The following RPTOR variants were observed in gnomAD, a reference collection of about 807,000 sequenced individuals.
The protein encoded by RPTOR is regulatory associated protein of MTOR complex 1.
RPTOR carries 21 observed loss-of-function variants against 169.9 expected under a neutral mutation model. The ratio of observed to expected loss-of-function variants is 0.12; its 90% CI spans 0.09 to 0.18. The LOEUF (loss-of-function observed/expected upper bound fraction) is 0.18. Ranked by LOEUF, RPTOR falls within the 10% of genes least tolerant of loss-of-function variation. RPTOR has a pLI of 1.00. For synonymous variants in RPTOR, 732 were observed against 753.2 expected, an observed-to-expected ratio of 0.97 and a Z score of 0.46; for missense variants, 1,133 against 1,855.9, an observed-to-expected ratio of 0.61 and a Z score of 7.16.
intron 2 of RPTOR, among the ~76,000 whole-genome samples, chr17:80,638,414 T>C (rs2065525781): frequency 6.8e-6 from 1 of 146,624 alleles, no homozygotes; most frequent in South Asian, 2.2e-4. Context: ...TTCCTTTCTT[T>C]TTTTTTTTTT....
At chr17:80,649,652 G>A (rs1026954954) in intron 3 of RPTOR, among the ~76,000 whole-genome samples, 2 of 152,120 alleles carry the variant, frequency 1.3e-5, no homozygotes, top group Non-Finnish European at 2.9e-5. Flanking sequence ...GTGGTCTTGG[G>A]GTTAACTGTG....
intron 24 of RPTOR, among the ~76,000 whole-genome samples, chr17:80,932,391 A>G (rs2068908858): frequency 6.6e-6 from 1 of 152,098 alleles, no homozygotes; most frequent in African/African-American, 2.4e-5. Flanking sequence ...ATATAAGACA[A>G]ACACGCCTGC....
intron 4 of RPTOR, among the ~76,000 whole-genome samples, chr17:80,711,335 C>T (rs1221757383): frequency 6.6e-6 from 1 of 151,956 alleles, no homozygotes; most frequent in Non-Finnish European, 1.5e-5. Flanking sequence ...AGGATGAATA[C>T]CTTTATACTG....
chr17:80,893,261 C>CCAGGGTGCGTGT (rs2068349739), intron 19 of RPTOR, among the ~76,000 whole-genome samples: 2 of 147,648 alleles, frequency 1.4e-5, no homozygotes, highest in African/African-American at 5.0e-5. Flanking sequence ...AGGGTGTGTG[C>CCAGGGTGCGTGT]GCCAGGGTGC....
intron 20 of RPTOR, among the ~76,000 whole-genome samples, chr17:80,903,074 A>G (rs1325964464): frequency 1.3e-5 from 2 of 152,210 alleles, no homozygotes; most frequent in Non-Finnish European, 1.5e-5. Flanking sequence ...GGTTTTGAAA[A>G]TGAGTTACCA....
Position 80,963,153 on chromosome 17 carries a change from C to A in RPTOR, c.3939+96C>A, listed in dbSNP as rs539243122. 9.5e-5 allele frequency: 117 copies of A among 1,236,080 alleles called. 1 individual carries two copies. The highest frequency in any genetic ancestry group is 6.4e-4 in the South Asian group (46 of 71,962). 76.6% of individuals were successfully genotyped at this position (1,236,080 alleles called of 1,614,324 possible). On this transcript the variant is annotated intron_variant, in intron 33 of 33. Coordinates refer to ENST00000306801, the MANE Select transcript of RPTOR (RefSeq NM_020761.3). ...GCAGCAGGGGTCCTGCCTGGCTACC[C>A]CACACCACAGTGGGGCCCATTGGCT...
At chr17:80,621,148 G>A (rs1207481816) in intron 1 of RPTOR, among the ~76,000 whole-genome samples, 1 of 152,148 alleles carries the variant, frequency 6.6e-6, no homozygotes, top group Non-Finnish European at 1.5e-5. Flanking sequence ...GTCAGAAATG[G>A]TCTCTCTAGG....
intron 3 of RPTOR, among the ~76,000 whole-genome samples, chr17:80,674,754 C>G (rs1426348559): frequency 1.5e-5 from 2 of 132,116 alleles, no homozygotes; most frequent in Non-Finnish European, 3.1e-5. Context: ...CGCCACTGCA[C>G]TCCAGCCTGG....
intron 4 of RPTOR, among the ~76,000 whole-genome samples, chr17:80,710,329 G>T (rs2066177657): frequency 6.6e-6 from 1 of 151,942 alleles, no homozygotes; most frequent in Non-Finnish European, 1.5e-5. Flanking sequence ...TCTTGTCTTG[G>T]TGTGCTGGCC....
intron 13 of RPTOR, among the ~76,000 whole-genome samples, chr17:80,875,445 T>C (rs1290479633): frequency 6.6e-6 from 1 of 152,156 alleles, no homozygotes; most frequent in East Asian, 1.9e-4. Flanking sequence ...GAATCAAAAT[T>C]GGCTTCAGTG....
At position 80,933,843 on chromosome 17, in the gene RPTOR, C is replaced by T. The variant is rs774376619; in HGVS notation, c.2920-6653C>T. Reference sequence around the variant, plus strand: ...ATGCCTATAAACTCTACAATTTAGGCGAGATAGACAAATTCCTTGGAAGAG... The same window carrying T: ...ATGCCTATAAACTCTACAATTTAGGTGAGATAGACAAATTCCTTGGAAGAG... On this transcript the variant is annotated intron_variant, in intron 24 of 33. Transcript: ENST00000306801. 1.2e-3 allele frequency among the ~76,000 whole-genome samples: 177 copies of T among 152,250 alleles called. 1 individual carries two copies. Among genetic ancestry groups the T allele is most frequent in the Non-Finnish European group, 2.0e-3 (133 of 68,028 alleles).
chr17:80,904,108 G>A (rs2068510847), intron 20 of RPTOR, among the ~76,000 whole-genome samples: 1 of 152,240 alleles, frequency 6.6e-6, no homozygotes, highest in African/African-American at 2.4e-5. Context: ...CTTCCCTGTG[G>A]GCAGCTGCAG....
intron 2 of RPTOR, among the ~76,000 whole-genome samples, chr17:80,634,464 GTGTGCGTGTGCATACTGTGTGTGCATAC>G: frequency 7.0e-6 from 1 of 142,768 alleles, no homozygotes. Context: ...TGTGCATAGT[GTGTGCGTGTGCATACTGTGTGTGCATAC>G]TGTGTGTGTG....
In RPTOR at chr17:80,760,300, C is replaced by CTTTTTTTTTT. The variant is rs1479994551; in HGVS notation, c.830+6121_830+6122insTTTTTTTTTT. 4.9e-4 allele frequency among the ~76,000 whole-genome samples: 47 copies of CTTTTTTTTTT among 96,500 alleles called. 2 individuals carry two copies. Among genetic ancestry groups the CTTTTTTTTTT allele is most frequent in the African/African-American group, 1.0e-3 (26 of 25,826 alleles). 63.3% of individuals were successfully genotyped at this position (96,500 alleles called of 152,430 possible). A position where few individuals can be genotyped will look rare whatever the true frequency, so the allele number is the denominator to read the frequency against. On this transcript the variant is annotated intron_variant, in intron 6 of 33. Coordinates refer to ENST00000306801, the MANE Select transcript of RPTOR (RefSeq NM_020761.3). ...GTGTTCCAGTCGAGCTTTCTTTTTT[C>CTTTTTTTTTT]TTTTTTCTTTTTTTTTTTTTTGAGA...
At chr17:80,888,480 A>G (rs1248090013) in intron 17 of RPTOR, among the ~76,000 whole-genome samples, 2 of 152,218 alleles carry the variant, frequency 1.3e-5, no homozygotes, top group Non-Finnish European at 2.9e-5. Flanking sequence ...AATATTAGCC[A>G]GTGCTGTGTT....
At chr17:80,728,331 C>T (rs2066358070) in intron 4 of RPTOR, among the ~76,000 whole-genome samples, 1 of 152,092 alleles carries the variant, frequency 6.6e-6, no homozygotes, top group African/African-American at 2.4e-5. Context: ...CTTACTGTAT[C>T]AGTCAGTCTC....
chr17:80,603,219 T>A (rs1219276001), intron 1 of RPTOR, among the ~76,000 whole-genome samples: 1 of 152,250 alleles, frequency 6.6e-6, no homozygotes, highest in Non-Finnish European at 1.5e-5. Flanking sequence ...GAAATAATTT[T>A]AAATCTAATT....
intron 18 of RPTOR, among the ~76,000 whole-genome samples, 171 bp downstream of exon 18, chr17:80,892,008 G>C (rs756346665): frequency 3.9e-5 from 6 of 152,120 alleles, no homozygotes; most frequent in Non-Finnish European, 7.4e-5. Context: ...GATTTAAAAG[G>C]GCAGGAAAGA....
At chr17:80,778,691 C>A (rs1242020452) in intron 6 of RPTOR, among the ~76,000 whole-genome samples, 1 of 152,162 alleles carries the variant, frequency 6.6e-6, no homozygotes, top group East Asian at 1.9e-4. Flanking sequence ...CCCAGCTTCT[C>A]GGGAGAAGGA....
Sources: gnomAD v4.1 joint callset for allele counts (sites outside exome capture counted in the v4.1 genomes callset) on GRCh38, gnomAD v4.1.1 for gene constraint, MANE v1.5 for transcripts, NCBI Gene and HGNC (gene_info 2026-07-23, HGNC 2026-07-21) for gene names.